Variants in ELMO1 observed in about 807,000 individuals in gnomAD.
ELMO1 encodes engulfment and cell motility protein 1.
In ELMO1, 26 loss-of-function variants were observed where a neutral mutation model predicts 98.9. That is an observed-to-expected ratio of 0.26 (90% CI 0.19 to 0.36). The LOEUF (loss-of-function observed/expected upper bound fraction) is 0.36, where lower values mean the gene tolerates loss of function less well. ELMO1 is among the 10% of genes least tolerant of loss of function. The probability of loss-of-function intolerance (pLI) is 1.00; values close to 1 mark genes in which losing one functional copy is unlikely to be tolerated. For missense variants in ELMO1, 627 were observed against 935.2 expected, an observed-to-expected ratio of 0.67 and a Z score of 4.30; for synonymous variants, 346 against 346.0, an observed-to-expected ratio of 1.00 and a Z score of 0.00.
intron 15 of ELMO1, among the ~76,000 whole-genome samples, chr7:37,044,509 G>T (rs997263978): frequency 6.6e-6 from 1 of 152,026 alleles, no homozygotes; most frequent in Non-Finnish European, 1.5e-5. Context: ...CATCTCACTC[G>T]CCCAACACGG....
intron 16 of ELMO1, chr7:36,985,154 G>A (rs766442318): frequency 6.3e-5 from 61 of 973,140 alleles, no homozygotes; most frequent in Non-Finnish European, 7.0e-5. Flanking sequence ...AAACCCCAGG[G>A]AGCAGAGCAA....
At chr7:37,002,483 G>C (rs1410804898) in intron 16 of ELMO1, among the ~76,000 whole-genome samples, 1 of 152,176 alleles carries the variant, frequency 6.6e-6, no homozygotes, top group Non-Finnish European at 1.5e-5. Flanking sequence ...AAAGGTAAAG[G>C]ACCATGTGGT....
chr7:37,425,185 T>C (rs974386945), intron 1 of ELMO1, among the ~76,000 whole-genome samples: 2 of 152,276 alleles, frequency 1.3e-5, no homozygotes, highest in Admixed American at 1.3e-4. Flanking sequence ...AAATGTGAGA[T>C]CAGGGTGCCA....
intron 15 of ELMO1, among the ~76,000 whole-genome samples, chr7:37,041,629 G>A (rs1183501775): frequency 1.3e-5 from 2 of 152,074 alleles, no homozygotes; most frequent in East Asian, 1.9e-4. Flanking sequence ...TATCACATAC[G>A]TGTAAAATAA....
intron 6 of ELMO1, among the ~76,000 whole-genome samples, chr7:37,247,120 G>C (rs1390916772): frequency 6.6e-6 from 1 of 151,998 alleles, no homozygotes; most frequent in African/African-American, 2.4e-5. Context: ...GTAATATAGA[G>C]GGAAACCTCT....
intron 13 of ELMO1, among the ~76,000 whole-genome samples, chr7:37,143,481 A>G (rs1787773240): frequency 6.6e-6 from 1 of 151,988 alleles, no homozygotes; most frequent in Non-Finnish European, 1.5e-5. Context: ...ATCTCGGCTC[A>G]CTGCAACCTC....
intron 13 of ELMO1, among the ~76,000 whole-genome samples, chr7:37,205,804 C>T (rs1384154010): frequency 6.6e-6 from 1 of 152,126 alleles, no homozygotes; most frequent in Non-Finnish European, 1.5e-5. Flanking sequence ...TTGATTTGGG[C>T]ATTACAAATA....
At chr7:37,379,630 A>G (rs1292948945) in intron 1 of ELMO1, among the ~76,000 whole-genome samples, 3 of 152,212 alleles carry the variant, frequency 2.0e-5, no homozygotes, top group African/African-American at 7.2e-5. Context: ...ATACCCCTTT[A>G]TCAATTAAGA....
At chr7:37,305,981 G>T (rs1342375969) in intron 4 of ELMO1, among the ~76,000 whole-genome samples, 2 of 152,156 alleles carry the variant, frequency 1.3e-5, no homozygotes, top group African/African-American at 4.8e-5. Flanking sequence ...TTTATAAGAG[G>T]ACTGAATTAA....
chr7:37,206,206 GAAC>G (rs1447888543), intron 13 of ELMO1, among the ~76,000 whole-genome samples: 10 of 152,126 alleles, frequency 6.6e-5, no homozygotes, highest in Admixed American at 3.9e-4. Flanking sequence ...GCACTGCTCT[GAAC>G]AACTTCCAAG....
intron 14 of ELMO1, among the ~76,000 whole-genome samples, chr7:37,102,893 G>C (rs1454012061): frequency 6.6e-6 from 1 of 152,190 alleles, no homozygotes; most frequent in Non-Finnish European, 1.5e-5. Flanking sequence ...AGCAGGAAAG[G>C]CCTTCACATG....
chr7:37,415,132 A>G (rs1804158899), intron 1 of ELMO1, among the ~76,000 whole-genome samples: 1 of 152,198 alleles, frequency 6.6e-6, no homozygotes, highest in African/African-American at 2.4e-5. Context: ...ATGCATACAA[A>G]GCCTGTTAAT....
intron 15 of ELMO1, among the ~76,000 whole-genome samples, chr7:37,084,849 C>T (rs1261638853): frequency 5.9e-5 from 9 of 151,854 alleles, no homozygotes; most frequent in South Asian, 2.1e-4. Context: ...CTCTGCCTCC[C>T]GAGTTCAGGC....
chr7:37,233,472 C>T (rs1794294498), intron 7 of ELMO1, among the ~76,000 whole-genome samples: 1 of 152,154 alleles, frequency 6.6e-6, no homozygotes, highest in South Asian at 2.1e-4. Context: ...CTGTGTTGTT[C>T]TGGGCAATTC....
intron 14 of ELMO1, among the ~76,000 whole-genome samples, chr7:37,111,186 A>G (rs1054646047): frequency 4.6e-5 from 7 of 152,202 alleles, no homozygotes; most frequent in African/African-American, 1.4e-4. Context: ...TGAGAGAGTC[A>G]GTAAGAGAGT....
intron 6 of ELMO1, among the ~76,000 whole-genome samples, chr7:37,256,578 A>G (rs1445433212): frequency 2.3e-5 from 2 of 86,354 alleles, no homozygotes; most frequent in African/African-American, 5.1e-5. Context: ...AAGGAAGGAA[A>G]GGAGGGAGGG....
intron 15 of ELMO1, among the ~76,000 whole-genome samples, chr7:37,057,234 A>T (rs193209656): frequency 4.5e-4 from 69 of 152,206 alleles, no homozygotes; most frequent in Middle Eastern, 3.4e-3. Flanking sequence ...CTGATATAAG[A>T]TGTTAAAATC....
chr7:37,022,613 C>A (rs1054607614), intron 15 of ELMO1, among the ~76,000 whole-genome samples: 6 of 152,206 alleles, frequency 3.9e-5, no homozygotes, highest in Non-Finnish European at 8.8e-5. Context: ...CAAATGGAAT[C>A]ATCATCCACT....
chr7:37,283,196 T>G (rs1465557050), intron 4 of ELMO1, among the ~76,000 whole-genome samples: 1 of 152,146 alleles, frequency 6.6e-6, no homozygotes, highest in South Asian at 2.1e-4. Flanking sequence ...CTTCAGTGTT[T>G]TAATCAAGGA....
Sources: gnomAD v4.1 joint callset for allele counts (sites outside exome capture counted in the v4.1 genomes callset) on GRCh38, gnomAD v4.1.1 for gene constraint, MANE v1.5 for transcripts, NCBI Gene and HGNC (gene_info 2026-07-23, HGNC 2026-07-21) for gene names.